B3GALNT2: variants seen among roughly 807,000 people sequenced by gnomAD.
B3GALNT2 encodes the protein beta-1,3-N-acetylgalactosaminyltransferase 2.
B3GALNT2 carries 53 observed loss-of-function variants against 61.1 expected under a neutral mutation model. That is an observed-to-expected ratio of 0.87 (90% CI 0.70 to 1.09). B3GALNT2 has a LOEUF of 1.09. Among genes scored for constraint, B3GALNT2 ranks in the 50% least tolerant of loss-of-function variants. The pLI, the probability that B3GALNT2 is intolerant of heterozygous loss-of-function variation, is 0.00. For synonymous variants in B3GALNT2, 223 were observed against 237.4 expected (o/e 0.94, Z 0.56); for missense variants, 544 against 623.0 (o/e 0.87, Z 1.35).
At position 235,448,816 on chromosome 1, in the gene B3GALNT2, C is replaced by CGGAAATA. The variant is rs1160433168; in HGVS notation, c.*1383_*1389dup. 1.6e-6 allele frequency: 2 copies of CGGAAATA among 1,288,262 alleles called. No individual in the cohort carries two copies. The highest frequency in any genetic ancestry group is 2.9e-5 in the African/African-American group (2 of 68,462). 79.8% of individuals were successfully genotyped at this position (1,288,262 alleles called of 1,614,324 possible). On this transcript the variant is annotated 3_prime_UTR_variant, in exon 12 of 12. Coordinates refer to ENST00000366600, the MANE Select transcript of B3GALNT2 (RefSeq NM_152490.5). ...ACTGCTTATCGTGTCTGGGGTTCAC[C>CGGAAATA]GGAAATAAATGATTCACTGGAACAA...
chr1:235,486,273 A>G (rs568565036), intron 3 of B3GALNT2, among the ~76,000 whole-genome samples: 1 of 152,290 alleles, frequency 6.6e-6, no homozygotes, highest in African/African-American at 2.4e-5. Flanking sequence ...GTTTTTTGTC[A>G]TGGGCTGGGC....
chr1:235,451,088 C>T (rs541437224), intron 11 of B3GALNT2: 1 of 152,336 alleles, frequency 6.6e-6, no homozygotes, highest in Non-Finnish European at 1.5e-5. Flanking sequence ...GCCTTGAAGG[C>T]AGCTGCTGAT....
intron 7 of B3GALNT2, among the ~76,000 whole-genome samples, chr1:235,459,716 C>T (rs530586495): frequency 4.8e-4 from 73 of 152,142 alleles, no homozygotes; most frequent in Non-Finnish European, 1.0e-3. Flanking sequence ...GGAAGTGGCA[C>T]CCCCTTTGAG....
intron 3 of B3GALNT2, among the ~76,000 whole-genome samples, chr1:235,488,816 T>C (rs1247829952): frequency 1.3e-5 from 2 of 151,418 alleles, no homozygotes; most frequent in Non-Finnish European, 2.9e-5. Flanking sequence ...TGCTTTGGGA[T>C]GCTGAGGCTG....
intron 7 of B3GALNT2, 80 bp from the exon 8 acceptor site, chr1:235,458,866 C>A: frequency 7.8e-7 from 1 of 1,284,160 alleles, no homozygotes; most frequent in Non-Finnish European, 1.0e-6. Context: ...CACTAAAGTT[C>A]TTTTCCCAAG....
Position 235,458,608 on chromosome 1 carries a change from A to G in B3GALNT2, c.1020T>C (p.Tyr340=), listed in dbSNP as rs1683274445. Residue 340 remains tyrosine (Y), a synonymous_variant, in exon 8 of 12, where the codon TAT becomes TAC. Transcript: ENST00000366600. The part of the protein sequence containing the change: ...RNVPAKLLNF[Y]RWTVETTSFN... The stretch of plus-strand genomic sequence containing the variant: ...CCAACATTTTTACAACCTACCATCT[A>G]TAGAAGTTCAATAATTTTGCAGGAA... 2 of 1,602,900 alleles carry G rather than the reference A, an allele frequency of 1.2e-6. No individual in the cohort carries two copies. The highest frequency in any genetic ancestry group is 2.2e-5 in the East Asian group (1 of 44,690).
In B3GALNT2 at chr1:235,504,231, G is replaced by A; in HGVS notation, c.22C>T (p.Leu8=). The A allele has an allele frequency of 1.3e-6, 2 of 1,483,258 alleles. No individual in the cohort carries two copies. The highest frequency in any genetic ancestry group is 1.5e-5 in the African/African-American group (1 of 68,300). 91.9% of individuals were successfully genotyped at this position (1,483,258 alleles called of 1,614,324 possible). A position where few individuals can be genotyped will look rare whatever the true frequency, so the allele number is the denominator to read the frequency against. The change falls in exon 1 of 12, where the codon CTG becomes TTG. Residue 8 remains leucine (L), a synonymous_variant. Coordinates refer to ENST00000366600, the MANE Select transcript of B3GALNT2 (RefSeq NM_152490.5). MRNWLVL[L]CPCVLGAALH... Reference sequence around the variant, plus strand: ...GCGGCCCCGAGCACACACGGGCACAGCAGCACCAGCCAGTTTCGCATTGGC... The same window carrying A: ...GCGGCCCCGAGCACACACGGGCACAACAGCACCAGCCAGTTTCGCATTGGC...
At chr1:235,498,063 A>G (rs1219366848) in intron 1 of B3GALNT2, among the ~76,000 whole-genome samples, 4 of 152,238 alleles carry the variant, frequency 2.6e-5, no homozygotes, top group Non-Finnish European at 4.4e-5. Flanking sequence ...ACTTCAAGAT[A>G]TATTGAAGTC....
chr1:235,461,173 G>T (rs893880640), intron 7 of B3GALNT2, among the ~76,000 whole-genome samples: 1 of 152,240 alleles, frequency 6.6e-6, no homozygotes, highest in Admixed American at 6.5e-5. Context: ...TGGAAAGGAT[G>T]AGGTGGGAAG....
intron 4 of B3GALNT2, among the ~76,000 whole-genome samples, chr1:235,481,591 G>T (rs1444486672): frequency 1.3e-5 from 2 of 151,944 alleles, no homozygotes; most frequent in African/African-American, 4.8e-5. Context: ...CAATCCATCT[G>T]CCTTGCCCTC....
chr1:235,497,996 TTC>T lies in B3GALNT2; in HGVS notation c.113-3170_113-3169del, dbSNP rs141801542. Among the ~76,000 whole-genome samples the T allele has an allele frequency of 8.9e-3, 1,354 of 152,318 alleles. 21 individuals carry two copies. Among genetic ancestry groups the T allele is most frequent in the African/African-American group, 0.031 (1,301 of 41,556 alleles). ...TTCAACTGCTTTACTTTACATGCAT[TTC>T]TCTTTTTCTTGCAGAGGGAAAGTAA... On this transcript the variant is annotated intron_variant, in intron 1 of 11. Transcript: ENST00000366600.
chr1:235,477,302 C>T (rs911000726), intron 5 of B3GALNT2, among the ~76,000 whole-genome samples: 2 of 152,206 alleles, frequency 1.3e-5, no homozygotes, highest in African/African-American at 4.8e-5. Flanking sequence ...TCTCTCTCCA[C>T]ACACACTTTT....
At chr1:235,461,806 G>A (rs934736000) in intron 7 of B3GALNT2, among the ~76,000 whole-genome samples, 5 of 152,044 alleles carry the variant, frequency 3.3e-5, no homozygotes, top group African/African-American at 1.2e-4. Flanking sequence ...TTGAGCTACT[G>A]CACCTGGCCT....
the B3GALNT2 span, chr1:235,441,967 C>G: frequency 8.3e-7 from 1 of 1,208,798 alleles, no homozygotes; most frequent in Non-Finnish European, 1.2e-6. Flanking sequence ...AAGTGTGTAC[C>G]TCTTAAGTAC....
At position 235,480,217 on chromosome 1, in the gene B3GALNT2, C is replaced by G. The variant is rs1340875282; in HGVS notation, c.556-68G>C. On this transcript the variant is annotated intron_variant, in intron 4 of 11. Coordinates refer to ENST00000366600, the MANE Select transcript of B3GALNT2 (RefSeq NM_152490.5). ...ATACATTGCATATGCAAAAAGTTTT[C>G]AAACACCTTACTTCTTGGTCAGCTA... 21 of 1,576,628 alleles carry G rather than the reference C, an allele frequency of 1.3e-5. No homozygotes were observed. The Admixed American group carries it at 3.9e-4, about 29-fold the overall frequency.
chr1:235,494,803 C>T lies in B3GALNT2; in HGVS notation c.138G>A (p.Trp46Ter). The T allele has an allele frequency of 6.2e-7, 1 of 1,610,306 alleles. No individual in the cohort carries two copies. The highest frequency in any genetic ancestry group is 8.5e-7 in the Non-Finnish European group (1 of 1,177,312). ...CTACCACATCATAGTGAGTAGATTT[C>T]CACTGAGGAAATAAGGCCAACTGAT... ...PADQLALFPQ[W>*]KSTHYDVVVG... Residue 46 changes from tryptophan (W) to a stop codon, truncating the protein, a stop_gained, in exon 2 of 12, where the codon TGG (tryptophan) becomes TGA (stop). Transcript: ENST00000366600. LOFTEE classifies it high-confidence loss of function.
At chr1:235,441,795 C>A in the B3GALNT2 span, 6 of 1,612,416 alleles carry the variant, frequency 3.7e-6, no homozygotes, top group Non-Finnish European at 4.2e-6. Flanking sequence ...TCATTCATCT[C>A]TTTTGCTTTC....
At chr1:235,450,798 G>T in intron 11 of B3GALNT2, 1 of 151,684 alleles carries the variant, frequency 6.6e-6, no homozygotes, top group Admixed American at 6.5e-5. Context: ...TAACAATTGA[G>T]GAACAAACGA....
At chr1:235,492,589 G>GA (rs1445433356) in intron 2 of B3GALNT2, among the ~76,000 whole-genome samples, 1 of 152,174 alleles carries the variant, frequency 6.6e-6, no homozygotes, top group African/African-American at 2.4e-5. Context: ...ATACACCAGT[G>GA]AAAAAACCTG....
Sources: allele counts gnomAD v4.1 joint callset (sites outside exome capture counted in the v4.1 genomes callset), GRCh38; gene constraint gnomAD v4.1.1; transcripts MANE v1.5; gene names NCBI Gene and HGNC (gene_info 2026-07-23, HGNC 2026-07-21).